Variants in UGT1A7 observed in about 807,000 individuals in gnomAD.
UGT1A7 encodes the protein UDP-glucuronosyltransferase 1A7.
In UGT1A7, 33 loss-of-function variants were observed where a neutral mutation model predicts 45.6. That is an observed-to-expected ratio of 0.72 (90% CI 0.55 to 0.97). The LOEUF (loss-of-function observed/expected upper bound fraction) is 0.97. UGT1A7 is among the 50% of genes least tolerant of loss of function. The pLI, the probability that UGT1A7 is intolerant of heterozygous loss-of-function variation, is 0.00. For synonymous variants in UGT1A7, 274 were observed against 250.6 expected (o/e 1.09, Z -0.88); for missense variants, 684 against 666.2 (o/e 1.03, Z -0.29).
chr2:233,771,958 T>A (rs1232504862), intron 4 of UGT1A7, among the ~76,000 whole-genome samples: 1 of 152,108 alleles, frequency 6.6e-6, no homozygotes, highest in East Asian at 1.9e-4. Context: ...CTACAAAAAA[T>A]TTAAAAATTG....
chr2:233,686,575 T>C (rs186664969), intron 1 of UGT1A7, among the ~76,000 whole-genome samples: 6 of 152,260 alleles, frequency 3.9e-5, no homozygotes, highest in African/African-American at 1.2e-4. Flanking sequence ...CAGAAGTTAG[T>C]GTGGATTACT....
At chr2:233,762,469 A>G (rs1394204644) in intron 1 of UGT1A7, among the ~76,000 whole-genome samples, 1 of 152,192 alleles carries the variant, frequency 6.6e-6, no homozygotes, top group African/African-American at 2.4e-5. Context: ...AATGTCATGG[A>G]TATCACTCCA....
intron 1 of UGT1A7, chr2:233,760,416 G>A (rs1575772039): frequency 6.2e-7 from 1 of 1,614,218 alleles, no homozygotes; most frequent in East Asian, 2.2e-5. Flanking sequence ...GGCTGAGCAT[G>A]CTTGGGGCCA....
intron 1 of UGT1A7, among the ~76,000 whole-genome samples, chr2:233,746,318 T>A (rs1693357703): frequency 6.6e-6 from 1 of 151,812 alleles, no homozygotes; most frequent in Non-Finnish European, 1.5e-5. Context: ...GCCCTGTAGA[T>A]GATCTACAGG....
intron 1 of UGT1A7, chr2:233,729,832 T>G (rs1469458626): frequency 1.2e-6 from 2 of 1,613,822 alleles, no homozygotes; most frequent in African/African-American, 1.3e-5. Context: ...AAGCCTTGCC[T>G]CTGAGCTTTT....
At chr2:233,683,902 G>A (rs2074655536) in intron 1 of UGT1A7, among the ~76,000 whole-genome samples, 1 of 151,996 alleles carries the variant, frequency 6.6e-6, no homozygotes, top group South Asian at 2.1e-4. Flanking sequence ...CTCTTATTTT[G>A]GCGGAGCATA....
At chr2:233,744,741 C>G (rs1692905246) in intron 1 of UGT1A7, among the ~76,000 whole-genome samples, 1 of 151,836 alleles carries the variant, frequency 6.6e-6, no homozygotes, top group South Asian at 2.1e-4. Context: ...AATCAAGTAG[C>G]ATTATTATGG....
At chr2:233,716,520 C>G (rs2076508094) in intron 1 of UGT1A7, among the ~76,000 whole-genome samples, 1 of 152,162 alleles carries the variant, frequency 6.6e-6, no homozygotes, top group Non-Finnish European at 1.5e-5. Flanking sequence ...CTCAGCTTAC[C>G]ATTCAATTAT....
intron 1 of UGT1A7, among the ~76,000 whole-genome samples, chr2:233,758,432 C>A (rs1404622059): frequency 6.6e-6 from 1 of 152,194 alleles, no homozygotes; most frequent in African/African-American, 2.4e-5. Flanking sequence ...TGAACTCACA[C>A]AGCATTGGGA....
At chr2:233,736,303 A>T (rs1206412550) in intron 1 of UGT1A7, among the ~76,000 whole-genome samples, 2 of 152,062 alleles carry the variant, frequency 1.3e-5, no homozygotes, top group Non-Finnish European at 2.9e-5. Context: ...TGCTCTAATC[A>T]GCTATTGAAT....
In UGT1A7 at chr2:233,722,182, C is replaced by T. The variant is rs530414552; in HGVS notation, c.855+39390C>T. On this transcript the variant is annotated intron_variant, in intron 1 of 4. Transcript: ENST00000373426. ...GTCACCTGGAGACCTTTGCCATGTT[C>T]GTGCCAATTTACTGAGTGCATGAAA... The T allele has an allele frequency of 1.0e-4, 16 of 156,916 alleles. No homozygotes were observed. The Middle Eastern group carries it at 8.9e-3, about 87-fold the overall frequency. 9.7% of individuals were successfully genotyped at this position (156,916 alleles called of 1,614,324 possible).
chr2:233,755,332 C>G, intron 1 of UGT1A7: 1 of 459,718 alleles, frequency 2.2e-6, no homozygotes, highest in Non-Finnish European at 3.7e-6. Flanking sequence ...CCAGCACCCG[C>G]GCACAGGTCA....
At chr2:233,755,940 ATC>A (rs35754645) in intron 1 of UGT1A7, 54,950 of 151,954 alleles carry the variant, frequency 0.36, 10,325 homozygotes, top group African/African-American at 0.45. Flanking sequence ...CAGTTTTTGC[ATC>A]TCTCTCTTTA....
intron 1 of UGT1A7, chr2:233,693,771 G>T: frequency 6.2e-7 from 1 of 1,614,156 alleles, no homozygotes; most frequent in Middle Eastern, 1.6e-4. Context: ...TGGCTGTTAA[G>T]ATATGACTTT....
intron 1 of UGT1A7, among the ~76,000 whole-genome samples, chr2:233,688,255 A>G (rs2074884672): frequency 6.6e-6 from 1 of 152,210 alleles, no homozygotes; most frequent in South Asian, 2.1e-4. Context: ...TCATTCCTTT[A>G]CATGGCCGAA....
intron 1 of UGT1A7, among the ~76,000 whole-genome samples, chr2:233,761,318 C>T (rs1697742330): frequency 6.6e-6 from 1 of 152,218 alleles, no homozygotes; most frequent in South Asian, 2.1e-4. Context: ...TTGGCATCAT[C>T]TTCTGGATGA....
In UGT1A7 at chr2:233,682,284, T is replaced by C; in HGVS notation, c.347T>C (p.Ile116Thr). Residue 116 changes from isoleucine to threonine, a missense_variant, in exon 1 of 5, where the codon ATT becomes ACT. Physicochemically the swap from Ile to Thr is moderately conservative, Grantham distance 89. Coordinates refer to ENST00000373426, the MANE Select transcript of UGT1A7 (RefSeq NM_019077.3). The stretch of plus-strand genomic sequence containing the variant: ...CTATTAACAAGTTCATCCAATGGTA[T>C]TTTTGACTTATTTTTTTCAAATTGC... ...FSLLTSSSNG[I>T]FDLFFSNCRS... is the part of the protein sequence containing the mutation. 1.9e-6 allele frequency: 3 copies of C among 1,614,166 alleles called. No homozygotes were observed. The highest frequency in any genetic ancestry group is 2.5e-6 in the Non-Finnish European group (3 of 1,180,004).
chr2:233,760,196 A>G, intron 1 of UGT1A7: 1 of 1,576,328 alleles, frequency 6.3e-7, no homozygotes, highest in Middle Eastern at 2.3e-4. Flanking sequence ...CACGTGACAC[A>G]GTCAAACATT....
chr2:233,690,582 C>A, intron 1 of UGT1A7: 1 of 1,283,886 alleles, frequency 7.8e-7, no homozygotes, highest in Non-Finnish European at 1.0e-6. Flanking sequence ...CTGCAGCAAT[C>A]CCTGAGAAAA....
Sources: gnomAD v4.1 joint callset for allele counts (sites outside exome capture counted in the v4.1 genomes callset) on GRCh38, gnomAD v4.1.1 for gene constraint, MANE v1.5 for transcripts, NCBI Gene and HGNC (gene_info 2026-07-23, HGNC 2026-07-21) for gene names.